Variants in RBFOX1 observed in about 807,000 individuals in gnomAD.
RBFOX1 encodes RNA binding protein fox-1 homolog 1.
Under a neutral mutation model 57.7 loss-of-function variants are expected in RBFOX1, and 8 were observed. That is an observed-to-expected ratio of 0.14 (90% CI 0.08 to 0.25). The LOEUF is 0.25. Among genes scored for constraint, RBFOX1 ranks in the 10% least tolerant of loss-of-function variants. RBFOX1 has a pLI of 1.00. For synonymous variants in RBFOX1, 326 were observed against 222.4 expected (o/e 1.47, Z -4.15); for missense variants, 611 against 548.5 (o/e 1.11, Z -1.14).
chr16:6,442,931 C>G (rs1360641265), intron 2 of RBFOX1, among the ~76,000 whole-genome samples: 5 of 152,064 alleles, frequency 3.3e-5, no homozygotes, highest in African/African-American at 1.2e-4. Context: ...TACTTTTGCA[C>G]CAACTTAATA....
At chr16:6,817,313 CT>C (rs1480700863) in intron 3 of RBFOX1, among the ~76,000 whole-genome samples, 2 of 152,056 alleles carry the variant, frequency 1.3e-5, no homozygotes, top group African/African-American at 4.8e-5. Flanking sequence ...ACCAAAGCCC[CT>C]CTCCCATGTA....
chr16:5,866,552 C>G (rs1316539039), intron 3 of RBFOX1, among the ~76,000 whole-genome samples: 1 of 152,174 alleles, frequency 6.6e-6, no homozygotes, highest in Non-Finnish European at 1.5e-5. Context: ...ATAGGAGACC[C>G]TTTCTAGGCA....
rs188103665 is a variant in RBFOX1 at position 6,508,494 on chromosome 16, C to T, written c.-63-146109C>T. On this transcript the variant is annotated intron_variant, in intron 2 of 15. Transcript: ENST00000550418. ...AAACCAAAAAGAAAACATAATTCAG[C>T]TAATCCCTTAAAACCTTCCAAAGGT... Among the ~76,000 whole-genome samples the T allele has an allele frequency of 7.9e-5, 12 of 152,214 alleles. No individual in the cohort carries two copies. The East Asian group carries it at 2.1e-3, about 27-fold the overall frequency.
At chr16:6,203,229 C>G (rs927106337) in intron 1 of RBFOX1, among the ~76,000 whole-genome samples, 14 of 152,238 alleles carry the variant, frequency 9.2e-5, no homozygotes, top group Non-Finnish European at 2.9e-5. Context: ...GCTTTGTACC[C>G]TTTGACTGAC....
chr16:7,233,630 C>T (rs1465618998), intron 4 of RBFOX1, among the ~76,000 whole-genome samples: 2 of 152,146 alleles, frequency 1.3e-5, no homozygotes, highest in Non-Finnish European at 2.9e-5. Flanking sequence ...TGTGGACATC[C>T]GATTGTTTCC....
chr16:6,277,198 C>G (rs549192524), intron 1 of RBFOX1, among the ~76,000 whole-genome samples: 1 of 152,250 alleles, frequency 6.6e-6, no homozygotes, highest in South Asian at 2.1e-4. Context: ...CAGTGGCTCA[C>G]ACCTGTAATC....
intron 3 of RBFOX1, among the ~76,000 whole-genome samples, chr16:7,027,202 A>C (rs954499148): frequency 1.3e-5 from 2 of 152,240 alleles, no homozygotes; most frequent in African/African-American, 4.8e-5. Flanking sequence ...ATCTTATTGA[A>C]CTCTCCAGCG....
In RBFOX1 at chr16:5,871,062, C is replaced by T. The variant is rs149773369; in HGVS notation, c.351+3727C>T. Among the ~76,000 whole-genome samples the T allele has an allele frequency of 2.0e-5, 3 of 152,342 alleles. No individual in the cohort carries two copies. In the East Asian group the frequency reaches 5.8e-4, roughly 29 times the overall value. ...GTGAATAACGTTTGCTAAATCTGGA[C>T]TTTGAAAACATGACAGCAAGCTGTT... On this transcript the variant is annotated intron_variant, in intron 4 of 19. Coordinates refer to the RBFOX1 transcript ENST00000641259.
intron 4 of RBFOX1, among the ~76,000 whole-genome samples, chr16:7,352,591 T>G (rs1017140529): frequency 9.9e-5 from 15 of 152,152 alleles, no homozygotes; most frequent in African/African-American, 2.7e-4. Context: ...ATCCTGGCCT[T>G]GCCTTCAGAA....
At chr16:5,246,338 G>A (rs2062299037) in intron 1 of RBFOX1, among the ~76,000 whole-genome samples, 1 of 152,100 alleles carries the variant, frequency 6.6e-6, no homozygotes, top group Non-Finnish European at 1.5e-5. Context: ...TGAATTTATT[G>A]AATTGACAAA....
intron 3 of RBFOX1, among the ~76,000 whole-genome samples, chr16:6,855,385 C>T (rs1197080642): frequency 2.0e-5 from 3 of 152,104 alleles, no homozygotes; most frequent in Non-Finnish European, 4.4e-5. Context: ...GGCGCAGTGG[C>T]TCACGCCTGT....
chr16:5,689,186 C>G (rs1028706660), intron 3 of RBFOX1, among the ~76,000 whole-genome samples: 1 of 152,178 alleles, frequency 6.6e-6, no homozygotes, highest in South Asian at 2.1e-4. Flanking sequence ...GGCAGCCACA[C>G]AGGTGGTGCT....
chr16:7,305,025 G>A (rs190357432), intron 4 of RBFOX1, among the ~76,000 whole-genome samples: 1 of 151,388 alleles, frequency 6.6e-6, no homozygotes, highest in African/African-American at 2.4e-5. Context: ...TTTCTGGAGT[G>A]TGTCAGCCCC....
intron 2 of RBFOX1, among the ~76,000 whole-genome samples, chr16:6,612,535 C>T (rs114831339): frequency 0.012 from 1,901 of 152,102 alleles, 39 homozygotes; most frequent in African/African-American, 0.044. Context: ...GAGGCTAGAG[C>T]CATTCATTTC....
At chr16:6,439,674 G>C (rs963893305) in intron 2 of RBFOX1, among the ~76,000 whole-genome samples, 1 of 152,068 alleles carries the variant, frequency 6.6e-6, no homozygotes, top group Non-Finnish European at 1.5e-5. Flanking sequence ...TAGTTGCTAA[G>C]CAACCCACAA....
At chr16:7,026,990 C>T (rs2041155292) in intron 3 of RBFOX1, among the ~76,000 whole-genome samples, 1 of 152,110 alleles carries the variant, frequency 6.6e-6, no homozygotes, top group African/African-American at 2.4e-5. Flanking sequence ...CATCAGCACC[C>T]CTAAGGTTTA....
chr16:6,692,133 T>C (rs540341047), intron 3 of RBFOX1, among the ~76,000 whole-genome samples: 1 of 152,338 alleles, frequency 6.6e-6, no homozygotes, highest in South Asian at 2.1e-4. Flanking sequence ...TTAAGTAAGT[T>C]AGTGGTAACA....
Position 7,250,845 on chromosome 16 carries a change from G to A in RBFOX1, c.27+198747G>A, listed in dbSNP as rs368608322. 2.0e-5 allele frequency among the ~76,000 whole-genome samples: 3 copies of A among 152,170 alleles called. No individual in the cohort carries two copies. In the East Asian group the frequency reaches 5.8e-4, roughly 29 times the overall value. On this transcript the variant is annotated intron_variant, in intron 4 of 15. Coordinates refer to ENST00000550418, the MANE Select transcript of RBFOX1 (RefSeq NM_018723.4). ...CTGTTTCCTTCTTTTAGGGAACTTA[G>A]GACACTGGGTGATTCTTTAAAAAAA...
intron 1 of RBFOX1, among the ~76,000 whole-genome samples, chr16:5,279,594 C>T (rs546644648): frequency 7.2e-4 from 110 of 152,240 alleles, no homozygotes; most frequent in African/African-American, 2.5e-3. Flanking sequence ...CTCCGCCTCT[C>T]GGGTTCAAGC....
Sources: gnomAD v4.1 joint callset for allele counts (sites outside exome capture counted in the v4.1 genomes callset) on GRCh38, gnomAD v4.1.1 for gene constraint, MANE v1.5 for transcripts, NCBI Gene and HGNC (gene_info 2026-07-23, HGNC 2026-07-21) for gene names.